GUCY1A2: variants seen among roughly 807,000 people sequenced by gnomAD.
GUCY1A2 encodes the protein guanylate cyclase soluble subunit alpha-2.
Under a neutral mutation model 63.5 loss-of-function variants are expected in GUCY1A2, and 27 were observed. That is an observed-to-expected ratio of 0.43 (90% CI 0.31 to 0.59). The LOEUF (loss-of-function observed/expected upper bound fraction) is 0.59. Among genes scored for constraint, GUCY1A2 ranks in the 20% least tolerant of loss-of-function variants. The pLI, the probability that GUCY1A2 is intolerant of heterozygous loss-of-function variation, is 0.11. For synonymous variants in GUCY1A2, 364 were observed against 343.5 expected, an observed-to-expected ratio of 1.06 and a Z score of -0.66; for missense variants, 768 against 913.3, an observed-to-expected ratio of 0.84 and a Z score of 2.05.
In GUCY1A2 at chr11:106,884,017, C is replaced by T. The variant is rs554107090; in HGVS notation, c.1206+55443G>A. ...AGAACACTTGGACACAGGGTGGGAA[C>T]ATCACACACCAGGGCCTGTCATGGG... On this transcript the variant is annotated intron_variant, in intron 4 of 7. Transcript: ENST00000526355. 1.8e-4 allele frequency among the ~76,000 whole-genome samples: 28 copies of T among 152,176 alleles called. No individual in the cohort carries two copies. The South Asian group carries it at 5.6e-3, about 30-fold the overall frequency.
intron 4 of GUCY1A2, among the ~76,000 whole-genome samples, chr11:106,888,902 C>G (rs983334710): frequency 6.6e-6 from 1 of 151,890 alleles, no homozygotes; most frequent in Admixed American, 6.6e-5. Flanking sequence ...CCAGGGAGAG[C>G]TATAGATAAT....
Position 106,903,623 on chromosome 11 carries a change from G to A in GUCY1A2, c.1206+35837C>T, listed in dbSNP as rs140432942. Among the ~76,000 whole-genome samples, 421 of 152,190 alleles carry A rather than the reference G, an allele frequency of 2.8e-3. 1 individual carries two copies. The highest frequency in any genetic ancestry group is 9.5e-3 in the African/African-American group (394 of 41,536). On this transcript the variant is annotated intron_variant, in intron 4 of 7. Coordinates refer to ENST00000526355, the MANE Select transcript of GUCY1A2 (RefSeq NM_000855.3). ...GGTTTCAAATTGCTAGATACTATCC[G>A]AACAGAGAGTCATGCTTTTTAAAAT...
intron 4 of GUCY1A2, among the ~76,000 whole-genome samples, chr11:106,842,910 G>A (rs971601227): frequency 6.6e-6 from 1 of 151,920 alleles, no homozygotes; most frequent in African/African-American, 2.4e-5. Flanking sequence ...CTGTGGCAGT[G>A]CCATGTCAGT....
intron 2 of GUCY1A2, among the ~76,000 whole-genome samples, chr11:106,982,730 T>G (rs1053184046): frequency 6.6e-6 from 1 of 151,786 alleles, no homozygotes; most frequent in Non-Finnish European, 1.5e-5. Context: ...AAACGATACA[T>G]ACAAAGGCCC....
chr11:106,784,667 A>G (rs570653324), intron 5 of GUCY1A2, among the ~76,000 whole-genome samples: 1 of 152,328 alleles, frequency 6.6e-6, no homozygotes, highest in East Asian at 1.9e-4. Context: ...ACCAAAAAGG[A>G]AAGTTATTAA....
intron 4 of GUCY1A2, among the ~76,000 whole-genome samples, chr11:106,813,270 AT>A (rs1858788538): frequency 6.6e-6 from 1 of 151,994 alleles, no homozygotes; most frequent in South Asian, 2.1e-4. Flanking sequence ...AAAGGGGAGT[AT>A]TTTGCTCTGA....
chr11:106,713,708 G>A (rs10890569), intron 6 of GUCY1A2, among the ~76,000 whole-genome samples: 2 of 151,242 alleles, frequency 1.3e-5, no homozygotes, highest in East Asian at 2.0e-4. Context: ...GGGTTTTACC[G>A]TGTTAGCCAG....
intron 1 of GUCY1A2, among the ~76,000 whole-genome samples, chr11:107,010,746 T>C (rs1861731812): frequency 6.6e-6 from 1 of 152,162 alleles, no homozygotes; most frequent in African/African-American, 2.4e-5. Context: ...TTTTACTTTT[T>C]TTGAGATGGA....
intron 1 of GUCY1A2, among the ~76,000 whole-genome samples, chr11:107,010,491 A>G (rs565433805): frequency 1.3e-5 from 2 of 152,322 alleles, no homozygotes; most frequent in South Asian, 4.1e-4. Flanking sequence ...GGAGGAGGAT[A>G]CTGTTCCATC....
intron 4 of GUCY1A2, among the ~76,000 whole-genome samples, chr11:106,820,845 C>T (rs1395668250): frequency 6.6e-6 from 1 of 152,040 alleles, no homozygotes; most frequent in Non-Finnish European, 1.5e-5. Context: ...TGAAATGTTG[C>T]CTTTGTTGAG....
chr11:106,841,944 CCTT>C (rs1206857836), intron 4 of GUCY1A2, among the ~76,000 whole-genome samples: 1 of 151,908 alleles, frequency 6.6e-6, no homozygotes, highest in Non-Finnish European at 1.5e-5. Flanking sequence ...CCACCTTCCA[CCTT>C]CTGTACCCTG....
intron 6 of GUCY1A2, among the ~76,000 whole-genome samples, chr11:106,770,361 T>A (rs1300875557): frequency 6.6e-6 from 1 of 152,154 alleles, no homozygotes; most frequent in African/African-American, 2.4e-5. Flanking sequence ...GAAGCAACTA[T>A]CATTGGCCTA....
chr11:106,960,230 AATT>A (rs1861041397), intron 3 of GUCY1A2, among the ~76,000 whole-genome samples: 1 of 27,050 alleles, frequency 3.7e-5, no homozygotes, highest in Non-Finnish European at 7.0e-5. Context: ...TCTTGTTTTG[AATT>A]TTTTTTTTAA....
chr11:107,006,875 A>G (rs778573035), intron 1 of GUCY1A2, among the ~76,000 whole-genome samples: 2 of 152,218 alleles, frequency 1.3e-5, no homozygotes, highest in Non-Finnish European at 2.9e-5. Context: ...TGCATTTCAT[A>G]GAATTTCATC....
chr11:106,997,179 G>A (rs1861550614), intron 1 of GUCY1A2, among the ~76,000 whole-genome samples: 1 of 152,054 alleles, frequency 6.6e-6, no homozygotes, highest in South Asian at 2.1e-4. Flanking sequence ...ATGGATGTAT[G>A]GGTATGCATA....
chr11:106,708,965 G>A (rs1306683716), intron 6 of GUCY1A2, among the ~76,000 whole-genome samples: 1 of 150,824 alleles, frequency 6.6e-6, no homozygotes, highest in Non-Finnish European at 1.5e-5. Flanking sequence ...TCATCTGTAT[G>A]TAATATGGTC....
At chr11:106,740,628 C>T (rs1348247876) in intron 6 of GUCY1A2, among the ~76,000 whole-genome samples, 1 of 144,188 alleles carries the variant, frequency 6.9e-6, no homozygotes, top group African/African-American at 2.5e-5. Flanking sequence ...TCTCTTTACA[C>T]TCTCCTATGG....
intron 3 of GUCY1A2, among the ~76,000 whole-genome samples, chr11:106,948,343 C>T (rs549884180): frequency 2.6e-5 from 4 of 152,016 alleles, no homozygotes; most frequent in African/African-American, 9.6e-5. Flanking sequence ...ATCATCATGA[C>T]CAAGTAGGAT....
intron 4 of GUCY1A2, among the ~76,000 whole-genome samples, chr11:106,924,529 T>C (rs578173045): frequency 6.6e-6 from 1 of 152,188 alleles, no homozygotes; most frequent in South Asian, 2.1e-4. Flanking sequence ...GGGTCCAATA[T>C]TGTCCTTGGC....
Sources: gnomAD v4.1 joint callset for allele counts (sites outside exome capture counted in the v4.1 genomes callset) on GRCh38, gnomAD v4.1.1 for gene constraint, MANE v1.5 for transcripts, NCBI Gene and HGNC (gene_info 2026-07-23, HGNC 2026-07-21) for gene names.